CHN1: variants seen among roughly 807,000 people sequenced by gnomAD.
CHN1 encodes the protein chimerin 1.
Under a neutral mutation model 59.5 loss-of-function variants are expected in CHN1, and 37 were observed. The observed-to-expected ratio is 0.62, with a 90% CI of 0.48 to 0.82. The LOEUF is 0.82. CHN1 is among the 40% of genes least tolerant of loss of function. The pLI is 0.00. For synonymous variants in CHN1, 206 were observed against 200.4 expected, an observed-to-expected ratio of 1.03 and a Z score of -0.24; for missense variants, 469 against 571.0, an observed-to-expected ratio of 0.82 and a Z score of 1.82.
At chr2:174,830,150 A>T (rs1031813581) in intron 7 of CHN1, among the ~76,000 whole-genome samples, 2 of 151,926 alleles carry the variant, frequency 1.3e-5, no homozygotes, top group South Asian at 2.1e-4. Flanking sequence ...GGAGAATGGC[A>T]TGAACCCAGG....
At chr2:174,950,882 C>A (rs1040603930) in intron 2 of CHN1, among the ~76,000 whole-genome samples, 1 of 149,064 alleles carries the variant, frequency 6.7e-6, no homozygotes, top group Non-Finnish European at 1.5e-5. Context: ...CTGGTTCAAG[C>A]GATTCTCCTG....
At chr2:174,990,415 G>C (rs1177959724) in intron 1 of CHN1, among the ~76,000 whole-genome samples, 1 of 151,994 alleles carries the variant, frequency 6.6e-6, no homozygotes, top group Non-Finnish European at 1.5e-5. Context: ...TGTCTGGAGA[G>C]ACCTAGGAAC....
At chr2:174,963,730 G>A (rs1690498163) in intron 1 of CHN1, among the ~76,000 whole-genome samples, 1 of 152,198 alleles carries the variant, frequency 6.6e-6, no homozygotes, top group Non-Finnish European at 1.5e-5. Flanking sequence ...GAATGCTGTA[G>A]TCAGGTCCAG....
intron 8 of CHN1, among the ~76,000 whole-genome samples, chr2:174,820,801 G>A (rs1239394114): frequency 6.6e-6 from 1 of 152,166 alleles, no homozygotes; most frequent in African/African-American, 2.4e-5. Context: ...TGCCAGCCTG[G>A]TGGTTGGAAC....
chr2:174,807,951 A>G (rs1684951860), intron 11 of CHN1, among the ~76,000 whole-genome samples: 1 of 152,248 alleles, frequency 6.6e-6, no homozygotes, highest in South Asian at 2.1e-4. Flanking sequence ...TTCCAAAAAA[A>G]CCAGTAATGC....
At chr2:174,929,840 A>G (rs190812964) in intron 3 of CHN1, among the ~76,000 whole-genome samples, 190 of 152,278 alleles carry the variant, frequency 1.2e-3, no homozygotes, top group African/African-American at 4.4e-3. Flanking sequence ...TGTCATCGTG[A>G]TCTTCAGTTT....
At chr2:174,979,569 C>T (rs1453677393) in intron 1 of CHN1, among the ~76,000 whole-genome samples, 1 of 152,108 alleles carries the variant, frequency 6.6e-6, no homozygotes, top group Non-Finnish European at 1.5e-5. Flanking sequence ...AATCCCAACA[C>T]TTTGGGAGGC....
chr2:174,857,990 T>C (rs1686957651), intron 6 of CHN1, among the ~76,000 whole-genome samples: 1 of 152,094 alleles, frequency 6.6e-6, no homozygotes, highest in Admixed American at 6.6e-5. Context: ...TTATTAGGAG[T>C]GTTTTCAGAT....
At chr2:174,847,505 T>C in intron 6 of CHN1, 1 of 1,206,502 alleles carries the variant, frequency 8.3e-7, no homozygotes, top group Non-Finnish European at 1.0e-6. Context: ...TTCTTCTCTA[T>C]TCAAGATATT....
In CHN1 at chr2:174,869,472, T is replaced by TA. The variant is rs528261895; in HGVS notation, c.549+8367dup. ...GATGTCACCTGTTAGGTCAACAATT[T>TA]AAAATTTTTCTTGTCCTAATAGAAA... is the stretch of plus-strand genomic sequence containing the variant. On this transcript the variant is annotated intron_variant, in intron 6 of 12. Coordinates refer to ENST00000409900, the MANE Select transcript of CHN1 (RefSeq NM_001822.7). Among the ~76,000 whole-genome samples, 258 of 151,116 alleles carry TA rather than the reference T, an allele frequency of 1.7e-3. 2 individuals carry two copies. The highest frequency in any genetic ancestry group is 6.1e-3 in the African/African-American group (249 of 40,940).
intron 1 of CHN1, among the ~76,000 whole-genome samples, chr2:174,985,270 C>T (rs1450480607): frequency 2.6e-5 from 4 of 152,140 alleles, no homozygotes; most frequent in Non-Finnish European, 5.9e-5. Context: ...ATTTCAACAT[C>T]ATTCCCTTCC....
intron 3 of CHN1, among the ~76,000 whole-genome samples, chr2:174,938,089 C>A (rs978355351): frequency 6.6e-6 from 1 of 152,022 alleles, no homozygotes; most frequent in Non-Finnish European, 1.5e-5. Context: ...AGTGATCCTC[C>A]CGCCTCAACC....
chr2:174,955,953 A>G (rs1690189988), intron 1 of CHN1, among the ~76,000 whole-genome samples: 1 of 152,220 alleles, frequency 6.6e-6, no homozygotes, highest in Non-Finnish European at 1.5e-5. Context: ...TGCCAGGGTG[A>G]CAGGACCTGT....
At chr2:174,815,589 C>CTTTTTTTTTTTTTTTTT (rs5836474) in intron 8 of CHN1, among the ~76,000 whole-genome samples, 1 of 127,568 alleles carries the variant, frequency 7.8e-6, no homozygotes, top group Admixed American at 7.8e-5. Flanking sequence ...CGGATATTTC[C>CTTTTTTTTTTTTTTTTT]TTTTTTTTTT....
At chr2:174,913,307 T>C (rs1355486905) in intron 5 of CHN1, among the ~76,000 whole-genome samples, 1 of 152,212 alleles carries the variant, frequency 6.6e-6, no homozygotes. Context: ...TTACCTCACC[T>C]TCTTCCTTCC....
At chr2:174,909,952 A>G (rs1037067810) in intron 5 of CHN1, among the ~76,000 whole-genome samples, 9 of 152,238 alleles carry the variant, frequency 5.9e-5, no homozygotes, top group Non-Finnish European at 1.3e-4. Flanking sequence ...AAGGTTAAAT[A>G]TACAAAATAA....
chr2:174,854,037 G>A (rs888773813), intron 6 of CHN1, among the ~76,000 whole-genome samples: 30 of 152,020 alleles, frequency 2.0e-4, no homozygotes, highest in South Asian at 2.1e-4. Context: ...GCACATGTAC[G>A]CCCTGTATCC....
chr2:174,932,011 A>T (rs984095405), intron 3 of CHN1, among the ~76,000 whole-genome samples: 1 of 152,172 alleles, frequency 6.6e-6, no homozygotes, highest in Admixed American at 6.5e-5. Context: ...ACTCTGAGTG[A>T]CAGGGAAAGC....
At chr2:174,912,496 T>C (rs1688732911) in intron 5 of CHN1, among the ~76,000 whole-genome samples, 1 of 152,230 alleles carries the variant, frequency 6.6e-6, no homozygotes, top group Non-Finnish European at 1.5e-5. Flanking sequence ...GAGGTGCCTA[T>C]GAGGAATCAA....
Sources: allele counts gnomAD v4.1 joint callset (sites outside exome capture counted in the v4.1 genomes callset), GRCh38; gene constraint gnomAD v4.1.1; transcripts MANE v1.5; gene names NCBI Gene and HGNC (gene_info 2026-07-23, HGNC 2026-07-21).